The following LRRK2 variants were observed in gnomAD, a reference collection of about 807,000 sequenced individuals.
LRRK2 encodes the protein leucine rich repeat kinase 2.
LRRK2 carries 203 observed loss-of-function variants against 302.6 expected under a neutral mutation model. The observed-to-expected ratio is 0.67, with a 90% CI of 0.60 to 0.75. The LOEUF is 0.75. Ranked by LOEUF, LRRK2 falls within the 30% of genes least tolerant of loss-of-function variation. LRRK2 has a pLI of 0.00. For missense variants in LRRK2, 2,830 were observed against 2,951.0 expected, an observed-to-expected ratio of 0.96 and a Z score of 0.95; for synonymous variants, 1,066 against 1,031.9, an observed-to-expected ratio of 1.03 and a Z score of -0.63.
At chr12:40,241,323 T>C (rs1460653548) in intron 6 of LRRK2, among the ~76,000 whole-genome samples, 1 of 152,212 alleles carries the variant, frequency 6.6e-6, no homozygotes, top group Non-Finnish European at 1.5e-5. Flanking sequence ...TGAATTTTAT[T>C]GTGACTCTTG....
chr12:40,235,749 A>AT (rs752477285), intron 4 of LRRK2, 35 bp downstream of exon 4: 7 of 1,311,530 alleles, frequency 5.3e-6, no homozygotes, highest in East Asian at 2.3e-5. Context: ...GTTGATTCAA[A>AT]TTAAAAAAAA....
chr12:40,308,433 GT>G, intron 28 of LRRK2, 33 bp from the exon 29 acceptor site: 3 of 1,536,012 alleles, frequency 2.0e-6, no homozygotes, highest in Non-Finnish European at 2.7e-6. Context: ...CTTTTAAGCA[GT>G]TTATTATTTT....
At chr12:40,245,648 A>G (rs148237773) in intron 7 of LRRK2, among the ~76,000 whole-genome samples, 1 of 152,240 alleles carries the variant, frequency 6.6e-6, no homozygotes, top group African/African-American at 2.4e-5. Flanking sequence ...AAGAACTGAC[A>G]TCTTTACATT....
In LRRK2 at chr12:40,351,192, AG is replaced by A. The variant is rs1179943610; in HGVS notation, c.6382-344del. On this transcript the variant is annotated intron_variant, in intron 43 of 50. Coordinates refer to ENST00000298910, the MANE Select transcript of LRRK2 (RefSeq NM_198578.4). ...GAAGCTCAACTAAATTGTTGGCCCA[AG>A]GGTTTTTCTCTCACTGGCGGTGGCT... 2.6e-5 allele frequency among the ~76,000 whole-genome samples: 4 copies of A among 152,306 alleles called. No individual in the cohort carries two copies. The South Asian group carries it at 6.2e-4, about 24-fold the overall frequency.
At chr12:40,236,687 T>A (rs1941480910) in intron 4 of LRRK2, among the ~76,000 whole-genome samples, 1 of 152,064 alleles carries the variant, frequency 6.6e-6, no homozygotes, top group Admixed American at 6.5e-5. Context: ...ATTGTCCTCA[T>A]CAGTCCTGCT....
At position 40,287,403 on chromosome 12, in the gene LRRK2, T is replaced by C. The variant is rs774182212; in HGVS notation, c.2553T>C (p.Ala851=). The change falls in exon 20 of 51, where the codon GCT becomes GCC. Residue 851 remains alanine (A), a synonymous_variant. Coordinates refer to ENST00000298910, the MANE Select transcript of LRRK2 (RefSeq NM_198578.4). The stretch of plus-strand genomic sequence containing the variant: ...TGATCAGATATCAGATGAAAAGTGC[T>C]GTGGAAGAAGGAACAGCCTCAGGCA... ...RMVIRYQMKS[A]VEEGTASGSD... is the part of the protein sequence containing the mutation. 58 of 1,612,696 alleles carry C rather than the reference T, an allele frequency of 3.6e-5. No individual in the cohort carries two copies. Among genetic ancestry groups the C allele is most frequent in the Non-Finnish European group, 4.7e-5 (56 of 1,179,138 alleles).
rs35328937 is a variant in LRRK2 at position 40,263,806 on chromosome 12, A to G, written c.1561A>G (p.Arg521Gly). 154 of 1,612,264 alleles carry G rather than the reference A, an allele frequency of 9.6e-5. No individual in the cohort carries two copies. The highest frequency in any genetic ancestry group is 1.5e-4 in the Admixed American group (9 of 59,972). The stretch of plus-strand genomic sequence containing the variant: ...GCATTTAGGCATGCCAGAAGAATCC[A>G]GGGAGGATACAGAATTTCATCATAA... ...FIVPGMPEES[R>G]EDTEFHHKLN... Residue 521 changes from arginine (R) to glycine (G), a missense_variant, in exon 14 of 51, where the codon AGG (arginine) becomes GGG (glycine). This residue lies in a region of LRRK2 where 2,121 missense variants were observed against 2,148.0 expected (regional missense o/e 0.99). Coordinates refer to ENST00000298910, the MANE Select transcript of LRRK2 (RefSeq NM_198578.4).
At chr12:40,306,362 A>G (rs1306868429) in intron 28 of LRRK2, among the ~76,000 whole-genome samples, 1 of 152,184 alleles carries the variant, frequency 6.6e-6, no homozygotes, top group Non-Finnish European at 1.5e-5. Context: ...ATCTTAAAGC[A>G]TTATAGCTAC....
At chr12:40,272,585 T>C (rs1943276999) in intron 14 of LRRK2, among the ~76,000 whole-genome samples, 1 of 152,176 alleles carries the variant, frequency 6.6e-6, no homozygotes, top group African/African-American at 2.4e-5. Context: ...TATTATGACT[T>C]GAAGTCATAT....
At chr12:40,253,386 T>C (rs998583447) in intron 11 of LRRK2, among the ~76,000 whole-genome samples, 1 of 152,202 alleles carries the variant, frequency 6.6e-6, no homozygotes, top group East Asian at 1.9e-4. Context: ...TTTAATTTTT[T>C]AAATTAATTT....
chr12:40,225,895 G>A lies in LRRK2; in HGVS notation c.237+255G>A, dbSNP rs192286003. Among the ~76,000 whole-genome samples the A allele has an allele frequency of 4.1e-3, 618 of 152,254 alleles. 1 individual carries two copies. The highest frequency in any genetic ancestry group is 6.7e-3 in the Non-Finnish European group (457 of 68,020). Reference sequence around the variant, plus strand: ...ACCAACAGTATGGATGGTGGTAGAAGGAGGATAAAAATGGGTTCGGTTTTA... The same window carrying A: ...ACCAACAGTATGGATGGTGGTAGAAAGAGGATAAAAATGGGTTCGGTTTTA... On this transcript the variant is annotated intron_variant, in intron 2 of 50. Transcript: ENST00000298910.
Position 40,354,403 on chromosome 12 carries a change from C to A in LRRK2, c.6681C>A (p.Ile2227=). 6.2e-7 allele frequency: 1 copy of A among 1,614,056 alleles called. No individual in the cohort carries two copies. The highest frequency in any genetic ancestry group is 8.5e-7 in the Non-Finnish European group (1 of 1,179,960). Residue 2227 remains isoleucine (I), a synonymous_variant, in exon 45 of 51, where the codon ATC becomes ATA. Coordinates refer to ENST00000298910, the MANE Select transcript of LRRK2 (RefSeq NM_198578.4). The part of the protein sequence containing the change: ...SGTQSGTLLV[I]NTEDGKKRHT... ...CACAGTCTGGTACTCTCCTGGTCAT[C>A]AATACCGAAGATGGGAAAAAGAGAC...
intron 38 of LRRK2, among the ~76,000 whole-genome samples, chr12:40,323,998 GC>G (rs1945477054): frequency 6.6e-6 from 1 of 151,932 alleles, no homozygotes; most frequent in Non-Finnish European, 1.5e-5. Context: ...GGATTTTTGG[GC>G]CTAAAAGATG....
chr12:40,345,465 A>G (rs1478960856), intron 41 of LRRK2, among the ~76,000 whole-genome samples: 1 of 151,838 alleles, frequency 6.6e-6, no homozygotes, highest in Non-Finnish European at 1.5e-5. Flanking sequence ...ACTACTAAAA[A>G]TACAAAAATC....
intron 25 of LRRK2, among the ~76,000 whole-genome samples, chr12:40,302,073 G>A (rs915514995): frequency 6.6e-6 from 1 of 152,216 alleles, no homozygotes; most frequent in Middle Eastern, 3.4e-3. Flanking sequence ...AGCTACTCAG[G>A]AGGCTGAGGC....
At chr12:40,344,847 A>G (rs1373360394) in intron 41 of LRRK2, among the ~76,000 whole-genome samples, 3 of 152,088 alleles carry the variant, frequency 2.0e-5, no homozygotes, top group African/African-American at 7.2e-5. Flanking sequence ...TATGTAAATT[A>G]TGCTAATTCA....
At chr12:40,294,489 A>G (rs1331062339) in intron 21 of LRRK2, among the ~76,000 whole-genome samples, 1 of 152,106 alleles carries the variant, frequency 6.6e-6, no homozygotes, top group Non-Finnish European at 1.5e-5. Context: ...TGAATCGGTT[A>G]AATTAGCTGT....
In LRRK2 at chr12:40,274,735, C is replaced by G; in HGVS notation, c.1801+8C>G. The G allele has an allele frequency of 6.2e-7, 1 of 1,613,978 alleles. No individual in the cohort carries two copies. The highest frequency in any genetic ancestry group is 8.5e-7 in the Non-Finnish European group (1 of 1,179,932). On this transcript the variant is annotated splice_region_variant and intron_variant, in intron 15 of 50. Transcript: ENST00000298910. ...TGTATCCAGATGACCAAGGTCAGTACAATTTGAATTCAGGATTTAGAATAG... is the reference window on the plus strand; with the variant it reads ...TGTATCCAGATGACCAAGGTCAGTAGAATTTGAATTCAGGATTTAGAATAG...
chr12:40,301,147 A>T (rs1477095155), intron 25 of LRRK2: 5 of 456,026 alleles, frequency 1.1e-5, no homozygotes, highest in Admixed American at 9.4e-5. Flanking sequence ...CACAATCTTA[A>T]TAGTTTGAGA....
Sources: gnomAD v4.1 joint callset for allele counts (sites outside exome capture counted in the v4.1 genomes callset) on GRCh38, gnomAD v4.1.1 for gene constraint, gnomAD v4.1.1 regional missense constraint, MANE v1.5 for transcripts, NCBI Gene and HGNC (gene_info 2026-07-23, HGNC 2026-07-21) for gene names.